SUMF1: variants seen among roughly 807,000 people sequenced by gnomAD.
The protein encoded by SUMF1 is formylglycine-generating enzyme.
Under a neutral mutation model 47.6 loss-of-function variants are expected in SUMF1, and 48 were observed. That is an observed-to-expected ratio of 1.01 (90% CI 0.80 to 1.28). The LOEUF (loss-of-function observed/expected upper bound fraction) is 1.28, where lower values mean the gene tolerates loss of function less well. SUMF1 is among the 50% of genes most tolerant of loss of function. The probability of loss-of-function intolerance (pLI) is 0.00; values close to 1 mark genes in which losing one functional copy is unlikely to be tolerated. For synonymous variants in SUMF1, 230 were observed against 192.1 expected (o/e 1.20, Z -1.63); for missense variants, 571 against 485.4 (o/e 1.18, Z -1.66).
intron 8 of SUMF1, among the ~76,000 whole-genome samples, chr3:4,212,490 C>T (rs1042187512): frequency 2.6e-5 from 4 of 152,102 alleles, no homozygotes; most frequent in Admixed American, 2.6e-4. Context: ...ATTCCAAAAA[C>T]CAGAATGCCT....
At chr3:4,093,534 T>C (rs748762543) in intron 8 of SUMF1, among the ~76,000 whole-genome samples, 43 of 151,940 alleles carry the variant, frequency 2.8e-4, no homozygotes, top group Non-Finnish European at 1.2e-4. Context: ...TCTAAAAGAA[T>C]GAGTAGGAGC....
intron 8 of SUMF1, among the ~76,000 whole-genome samples, chr3:4,079,718 G>C (rs1321499401): frequency 3.4e-5 from 5 of 148,780 alleles, no homozygotes; most frequent in Admixed American, 2.7e-4. Flanking sequence ...TCAACATGCT[G>C]TTAACACATA....
In SUMF1 at chr3:4,321,810, A is replaced by G. The variant is rs185105107; in HGVS notation, c.1014+54520T>C. Among the ~76,000 whole-genome samples, 213 of 152,254 alleles carry G rather than the reference A, an allele frequency of 1.4e-3. 1 individual carries two copies. The highest frequency in any genetic ancestry group is 1.5e-3 in the Non-Finnish European group (100 of 68,000). ...GCTATACATAGTGACTTCCTCCCAA[A>G]GAGTGTAGAATGGAAAGTTGAGGGT... On this transcript the variant is annotated intron_variant and NMD_transcript_variant, in intron 8 of 12. Coordinates refer to the SUMF1 transcript ENST00000448413.
chr3:4,038,192 G>A (rs1383645542), intron 9 of SUMF1, among the ~76,000 whole-genome samples: 2 of 152,192 alleles, frequency 1.3e-5, no homozygotes, highest in Non-Finnish European at 2.9e-5. Flanking sequence ...AGATGTGGCT[G>A]ATGGTCTTTC....
intron 8 of SUMF1, among the ~76,000 whole-genome samples, chr3:4,258,741 G>T (rs1269857624): frequency 1.4e-5 from 2 of 140,754 alleles, no homozygotes; most frequent in Non-Finnish European, 3.1e-5. Flanking sequence ...AATACCATTT[G>T]ACCCAGCCAT....
In SUMF1 at chr3:4,279,876, T is replaced by C. The variant is rs150126094; in HGVS notation, c.1014+96454A>G. On this transcript the variant is annotated intron_variant and NMD_transcript_variant, in intron 8 of 12. Coordinates refer to the SUMF1 transcript ENST00000448413. The stretch of plus-strand genomic sequence containing the variant: ...ATGGCATACACACCAAAAAACTGCA[T>C]GTACTATATCTTATGAGACACTTTT... Among the ~76,000 whole-genome samples, 398 of 152,314 alleles carry C rather than the reference T, an allele frequency of 2.6e-3. 3 individuals are homozygous for C. Among genetic ancestry groups the C allele is most frequent in the African/African-American group, 9.3e-3 (387 of 41,576 alleles).
intron 8 of SUMF1, among the ~76,000 whole-genome samples, chr3:4,115,413 G>A (rs1220213190): frequency 6.6e-6 from 1 of 152,164 alleles, no homozygotes; most frequent in Admixed American, 6.5e-5. Context: ...CAATAAGGCA[G>A]AGGGCCTAAT....
At chr3:4,273,018 C>T (rs1559639249) in intron 8 of SUMF1, among the ~76,000 whole-genome samples, 2 of 151,732 alleles carry the variant, frequency 1.3e-5, no homozygotes, top group Non-Finnish European at 2.9e-5. Context: ...ATGATCATGC[C>T]ACTGCAACTC....
In SUMF1 at chr3:4,052,741, C is replaced by A. The variant is rs545857040; in HGVS notation, c.1191+15828G>T. The stretch of plus-strand genomic sequence containing the variant: ...ACAATTATTACAGGTATACCTTGGA[C>A]ATATTGTGGGTTTGGTCCTAGACCA... On this transcript the variant is annotated intron_variant and NMD_transcript_variant, in intron 9 of 12. Coordinates refer to the SUMF1 transcript ENST00000448413. Among the ~76,000 whole-genome samples, 8 of 152,284 alleles carry A rather than the reference C, an allele frequency of 5.3e-5. No individual in the cohort carries two copies. The South Asian group carries it at 1.7e-3, about 32-fold the overall frequency.
intron 9 of SUMF1, among the ~76,000 whole-genome samples, chr3:4,039,209 ATT>A (rs775459424): frequency 0.03 from 1,190 of 39,544 alleles, 37 homozygotes; most frequent in African/African-American, 0.085. Context: ...ATCTATGCAA[ATT>A]TTTTTTTTTT....
rs138232038 is a variant in SUMF1, at chr3:4,252,378, A to ACACACC, written c.1014+123951_1014+123952insGGTGTG. Among the ~76,000 whole-genome samples the ACACACC allele has an allele frequency of 6.0e-3, 899 of 150,452 alleles. 5 individuals are homozygous for ACACACC. The highest frequency in any genetic ancestry group is 0.013 in the African/African-American group (510 of 40,670). The stretch of plus-strand genomic sequence containing the variant: ...CACACACACACACACACACACACAC[A>ACACACC]CCCCACTGGCTGTTTAAAACATTTG... On this transcript the variant is annotated intron_variant and NMD_transcript_variant, in intron 8 of 12. Transcript: ENST00000448413.
At chr3:4,363,174 T>G (rs1039938074) in intron 8 of SUMF1, among the ~76,000 whole-genome samples, 1 of 152,144 alleles carries the variant, frequency 6.6e-6, no homozygotes, top group African/African-American at 2.4e-5. Context: ...AGATGGCCAC[T>G]GAAAAAATAC....
chr3:4,199,404 A>C (rs1360475596), intron 8 of SUMF1, among the ~76,000 whole-genome samples: 1 of 152,100 alleles, frequency 6.6e-6, no homozygotes, highest in African/African-American at 2.4e-5. Flanking sequence ...ACGTTGTCCA[A>C]CTTTGAGGTA....
intron 7 of SUMF1, among the ~76,000 whole-genome samples, chr3:4,384,546 A>G (rs1273330213): frequency 6.6e-6 from 1 of 152,180 alleles, no homozygotes; most frequent in Non-Finnish European, 1.5e-5. Flanking sequence ...TTGTCATTTC[A>G]AGAATGTTAT....
intron 8 of SUMF1, among the ~76,000 whole-genome samples, chr3:4,138,655 G>A (rs558578886): frequency 6.6e-6 from 1 of 152,162 alleles, no homozygotes; most frequent in African/African-American, 2.4e-5. Flanking sequence ...CGCCATCCAG[G>A]ACTCCATGCA....
intron 9 of SUMF1, among the ~76,000 whole-genome samples, chr3:4,040,435 A>G (rs960413110): frequency 1.3e-5 from 2 of 152,190 alleles, no homozygotes; most frequent in Admixed American, 6.6e-5. Context: ...GGCGTCTAAT[A>G]ACCCTTCCTC....
chr3:4,204,488 A>G (rs978556254), intron 8 of SUMF1, among the ~76,000 whole-genome samples: 1 of 152,084 alleles, frequency 6.6e-6, no homozygotes. Flanking sequence ...TTGGTGTTCT[A>G]TAACCTTCTT....
At chr3:4,336,503 GA>G (rs1425437198) in intron 8 of SUMF1, among the ~76,000 whole-genome samples, 1 of 152,118 alleles carries the variant, frequency 6.6e-6, no homozygotes, top group African/African-American at 2.4e-5. Flanking sequence ...GGTACAAAAG[GA>G]AAAAAGTATT....
intron 8 of SUMF1, among the ~76,000 whole-genome samples, chr3:4,090,635 A>C (rs993038119): frequency 1.8e-4 from 28 of 151,820 alleles, no homozygotes; most frequent in African/African-American, 6.8e-4. Flanking sequence ...CATCCAGCAA[A>C]CCCCCCATAT....
Sources: allele counts gnomAD v4.1 joint callset (sites outside exome capture counted in the v4.1 genomes callset), GRCh38; gene constraint gnomAD v4.1.1; transcripts MANE v1.5; gene names NCBI Gene and HGNC (gene_info 2026-07-23, HGNC 2026-07-21).